Variants in MPHOSPH9 observed in about 807,000 individuals in gnomAD.
The protein encoded by MPHOSPH9 is M-phase phosphoprotein 9.
MPHOSPH9 carries 88 observed loss-of-function variants against 145.5 expected under a neutral mutation model. The observed-to-expected ratio is 0.60, with a 90% CI of 0.51 to 0.72. The LOEUF (loss-of-function observed/expected upper bound fraction) is 0.72. Ranked by LOEUF, MPHOSPH9 falls within the 30% of genes least tolerant of loss-of-function variation. The probability of loss-of-function intolerance (pLI) is 0.00; values close to 1 mark genes in which losing one functional copy is unlikely to be tolerated. For synonymous variants in MPHOSPH9, 435 were observed against 486.2 expected, an observed-to-expected ratio of 0.89 and a Z score of 1.39; for missense variants, 1,238 against 1,386.6, an observed-to-expected ratio of 0.89 and a Z score of 1.70.
chr12:123,232,629 G>A (rs2047704778), intron 1 of MPHOSPH9, among the ~76,000 whole-genome samples: 2 of 152,126 alleles, frequency 1.3e-5, no homozygotes, highest in Non-Finnish European at 2.9e-5. Flanking sequence ...CAGTCAGCCC[G>A]CAATGGCTGG....
At chr12:123,194,892 GA>G (rs993701480) in intron 12 of MPHOSPH9, among the ~76,000 whole-genome samples, 3 of 151,866 alleles carry the variant, frequency 2.0e-5, no homozygotes, top group Non-Finnish European at 2.9e-5. Flanking sequence ...AAAGTGCTGG[GA>G]TTACAGGCAT....
chr12:123,166,329 ACTC>A, intron 17 of MPHOSPH9: 1 of 279,822 alleles, frequency 3.6e-6, no homozygotes, highest in South Asian at 4.4e-5. Flanking sequence ...CTGGTCTCGA[ACTC>A]CTAGGCTCAA....
chr12:123,226,883 C>G (rs1178353606), intron 3 of MPHOSPH9, among the ~76,000 whole-genome samples: 1 of 152,118 alleles, frequency 6.6e-6, no homozygotes, highest in Admixed American at 6.5e-5. Context: ...CCAAACCTCC[C>G]ACCTTGGCCG....
At chr12:123,204,020 T>C (rs1237070920) in intron 8 of MPHOSPH9, among the ~76,000 whole-genome samples, 1 of 151,774 alleles carries the variant, frequency 6.6e-6, no homozygotes, top group African/African-American at 2.4e-5. Context: ...AAATACTTCA[T>C]AGGCTAGGCG....
intron 13 of MPHOSPH9, among the ~76,000 whole-genome samples, chr12:123,188,315 G>A (rs2045537714): frequency 6.6e-6 from 1 of 152,006 alleles, no homozygotes; most frequent in Non-Finnish European, 1.5e-5. Flanking sequence ...AAATAAACTG[G>A]TACAACCATT....
chr12:123,222,324 CAAAA>C (rs57019975), intron 4 of MPHOSPH9, among the ~76,000 whole-genome samples: 2 of 126,118 alleles, frequency 1.6e-5, no homozygotes, highest in Non-Finnish European at 1.7e-5. Context: ...GACCTTGTCT[CAAAA>C]AAAAAAAAAA....
chr12:123,240,845 T>C (rs1419423594), intron 1 of MPHOSPH9, among the ~76,000 whole-genome samples: 2 of 149,984 alleles, frequency 1.3e-5, no homozygotes, highest in Non-Finnish European at 3.0e-5. Context: ...GCGATTCTCC[T>C]GCCTCAGCCT....
At chr12:123,158,439 C>CA (rs1270272363) in intron 23 of MPHOSPH9, among the ~76,000 whole-genome samples, 1 of 152,088 alleles carries the variant, frequency 6.6e-6, no homozygotes, top group East Asian at 1.9e-4. Context: ...CCTGCCTCTA[C>CA]AAAAAAATTT....
chr12:123,234,569 G>A (rs779013271), upstream of MPHOSPH9, among the ~76,000 whole-genome samples: 2 of 152,162 alleles, frequency 1.3e-5, no homozygotes, highest in South Asian at 4.1e-4. Context: ...CTAATTTTTT[G>A]TATTTTTAGT....
intron 13 of MPHOSPH9, among the ~76,000 whole-genome samples, chr12:123,185,215 C>T (rs2045387514): frequency 6.6e-6 from 1 of 151,358 alleles, no homozygotes; most frequent in Non-Finnish European, 1.5e-5. Context: ...ATGAAAACTA[C>T]AGAAACAGTC....
rs138635886 is a variant in MPHOSPH9, at chr12:123,230,460, T to C, written c.-96A>G. ...CGTGTCATCTTCAGAGGCTTCATCATCTACTGGCATTTTCAGTGGCTAACA... is the reference window on the plus strand; with the variant it reads ...CGTGTCATCTTCAGAGGCTTCATCACCTACTGGCATTTTCAGTGGCTAACA... On this transcript the variant is annotated 5_prime_UTR_variant, in exon 2 of 24. The change abolishes an upstream ATG in the 5' untranslated region. Coordinates refer to ENST00000606320, the MANE Select transcript of MPHOSPH9 (RefSeq NM_022782.4). 1.9e-4 allele frequency: 116 copies of C among 606,422 alleles called. No individual in the cohort carries two copies. In the African/African-American group the frequency reaches 2.0e-3, roughly 10 times the overall value. The allele number at this position is 606,422 out of a possible 1,614,324, so 37.6% of individuals were successfully genotyped here.
chr12:123,164,158 C>T lies in MPHOSPH9; in HGVS notation c.2768-68G>A, dbSNP rs866261706. On this transcript the variant is annotated intron_variant, in intron 18 of 23. Coordinates refer to ENST00000606320, the MANE Select transcript of MPHOSPH9 (RefSeq NM_022782.4). ...ACAAGCCTACGCTTCAGTTATCCAC[C>T]TTTATTAACAGGTGGTTACACATGG... 103 of 1,584,574 alleles carry T rather than the reference C, an allele frequency of 6.5e-5. 2 individuals carry two copies. In the Middle Eastern group the frequency reaches 3.8e-3, roughly 59 times the overall value.
rs1565946082 is a variant in MPHOSPH9, at chr12:123,203,308, T to TTTTCCCTTTGTTTTTTATAATA, written c.1240_1261dup (p.Asn421IlefsTer3). ...GAGATTCCTCTCAGGTAACTGCTTG[T>TTTTCCCTTTGTTTTTTATAATA]TTTCCCTTTGTTTTTTATAATAAAT... On this transcript the variant is annotated stop_gained and frameshift_variant, in exon 9 of 24. Transcript: ENST00000606320. LOFTEE classifies it high-confidence loss of function. 4.3e-6 allele frequency: 7 copies of TTTTCCCTTTGTTTTTTATAATA among 1,613,096 alleles called. No homozygotes were observed. The highest frequency in any genetic ancestry group is 5.9e-6 in the Non-Finnish European group (7 of 1,179,192).
At chr12:123,239,402 G>GT (rs1410659171) in intron 1 of MPHOSPH9, among the ~76,000 whole-genome samples, 6 of 80,024 alleles carry the variant, frequency 7.5e-5, no homozygotes, top group East Asian at 0.033. Context: ...CATTAGTTTT[G>GT]TTTTTTTGTT....
intron 12 of MPHOSPH9, among the ~76,000 whole-genome samples, chr12:123,195,679 G>A (rs932542012): frequency 2.6e-5 from 4 of 152,094 alleles, no homozygotes; most frequent in Admixed American, 6.6e-5. Context: ...TAGGTGCTAG[G>A]CACTAGGGTG....
chr12:123,157,789 AT>A (rs2137833026), intron 23 of MPHOSPH9, among the ~76,000 whole-genome samples: 1 of 152,112 alleles, frequency 6.6e-6, no homozygotes, highest in South Asian at 2.1e-4. Context: ...ACCCAGCCTC[AT>A]TTTAGTTAAT....
chr12:123,227,037 C>T (rs963743628), intron 3 of MPHOSPH9, among the ~76,000 whole-genome samples: 2 of 152,172 alleles, frequency 1.3e-5, no homozygotes, highest in Non-Finnish European at 2.9e-5. Context: ...CAATGTATCA[C>T]AGCTGAATAT....
intron 8 of MPHOSPH9, among the ~76,000 whole-genome samples, chr12:123,209,535 T>C (rs1307829156): frequency 6.6e-6 from 1 of 151,786 alleles, no homozygotes; most frequent in Non-Finnish European, 1.5e-5. Context: ...GCCTCCCAAA[T>C]AGCTGGGATG....
chr12:123,177,203 A>G (rs1330466972), intron 15 of MPHOSPH9, among the ~76,000 whole-genome samples: 1 of 152,000 alleles, frequency 6.6e-6, no homozygotes, highest in Non-Finnish European at 1.5e-5. Flanking sequence ...TTGCAAGTCC[A>G]TAAACATTTT....
Sources: allele counts gnomAD v4.1 joint callset (sites outside exome capture counted in the v4.1 genomes callset), GRCh38; gene constraint gnomAD v4.1.1; transcripts MANE v1.5; gene names NCBI Gene and HGNC (gene_info 2026-07-23, HGNC 2026-07-21).